CPXM2: variants seen among roughly 807,000 people sequenced by gnomAD.
CPXM2 encodes the protein inactive carboxypeptidase-like protein X2.
Under a neutral mutation model 86.1 loss-of-function variants are expected in CPXM2, and 66 were observed. The observed-to-expected ratio is 0.77, with a 90% confidence interval of 0.63 to 0.94. The LOEUF (loss-of-function observed/expected upper bound fraction) is 0.94. Among genes scored for constraint, CPXM2 ranks in the 40% least tolerant of loss-of-function variants. The probability of loss-of-function intolerance (pLI) is 0.00; values close to 1 mark genes in which losing one functional copy is unlikely to be tolerated. For synonymous variants in CPXM2, 388 were observed against 400.2 expected (o/e 0.97, Z 0.36); for missense variants, 948 against 1,026.3 (o/e 0.92, Z 1.04).
chr10:123,790,816 G>C (rs1252412644), intron 6 of CPXM2, among the ~76,000 whole-genome samples: 2 of 152,182 alleles, frequency 1.3e-5, no homozygotes, highest in Admixed American at 6.5e-5. Flanking sequence ...ATATGAATGA[G>C]TGAATGAGTA....
chr10:123,868,150 A>G (rs28538202), intron 2 of CPXM2, among the ~76,000 whole-genome samples: 101,112 of 152,018 alleles, frequency 0.67, 34,582 homozygotes, highest in African/African-American at 0.74. Flanking sequence ...GGGCTGGCAA[A>G]GACCGAAGGG....
intron 2 of CPXM2, among the ~76,000 whole-genome samples, chr10:123,870,084 A>T (rs1347236578): frequency 6.6e-6 from 1 of 152,192 alleles, no homozygotes; most frequent in Non-Finnish European, 1.5e-5. Context: ...ACTGCGAGCC[A>T]GACTGGCTAG....
At chr10:123,894,002 A>G (rs1945313848), upstream of CPXM2, among the ~76,000 whole-genome samples, 1 of 152,240 alleles carries the variant, frequency 6.6e-6, no homozygotes, top group Non-Finnish European at 1.5e-5. Flanking sequence ...AAGTACTAGC[A>G]TATCTAAGAA....
intron 2 of CPXM2, among the ~76,000 whole-genome samples, chr10:123,928,995 A>AG (rs1185188810): frequency 6.6e-6 from 1 of 152,214 alleles, no homozygotes; most frequent in African/African-American, 2.4e-5. Context: ...TGAGTGGAGC[A>AG]GGGGGGCACT....
intron 3 of CPXM2, among the ~76,000 whole-genome samples, chr10:123,858,572 T>C (rs1848791708): frequency 6.6e-6 from 1 of 152,218 alleles, no homozygotes; most frequent in African/African-American, 2.4e-5. Flanking sequence ...TCCTGGGAAA[T>C]GTGAGCTGAG....
At chr10:123,903,485 CT>C (rs5788641) in intron 2 of CPXM2, among the ~76,000 whole-genome samples, 113,084 of 152,018 alleles carry the variant, frequency 0.74, 43,381 homozygotes, top group African/African-American at 0.93. Context: ...TGCATTTCCT[CT>C]TGAGTGTCCT....
chr10:123,793,462 C>CAA (rs34757620), intron 6 of CPXM2, among the ~76,000 whole-genome samples: 26 of 59,162 alleles, frequency 4.4e-4, no homozygotes, highest in South Asian at 7.3e-4. Flanking sequence ...GACTCCGTCT[C>CAA]AAAAAAAAAA....
At chr10:123,821,653 G>A (rs970187308) in intron 4 of CPXM2, among the ~76,000 whole-genome samples, 1 of 152,184 alleles carries the variant, frequency 6.6e-6, no homozygotes, top group Admixed American at 6.5e-5. Flanking sequence ...CTGTCAAATG[G>A]GGGTAATGTT....
chr10:123,849,180 G>A (rs561358778), intron 3 of CPXM2, among the ~76,000 whole-genome samples: 1 of 151,868 alleles, frequency 6.6e-6, no homozygotes, highest in Admixed American at 6.6e-5. Context: ...TCTATTGATC[G>A]GTTTTGTGTT....
At chr10:123,893,107 C>T (rs1945300525), upstream of CPXM2, among the ~76,000 whole-genome samples, 1 of 152,172 alleles carries the variant, frequency 6.6e-6, no homozygotes, top group Non-Finnish European at 1.5e-5. Context: ...TTGCCATGTT[C>T]CCTAACTTTT....
chr10:123,912,657 C>T (rs1468029733), intron 2 of CPXM2, among the ~76,000 whole-genome samples: 1 of 152,194 alleles, frequency 6.6e-6, no homozygotes, highest in African/African-American at 2.4e-5. Context: ...TGAACTGAAA[C>T]ACGCCCAGCC....
At chr10:123,908,078 G>A (rs1014863809) in intron 2 of CPXM2, among the ~76,000 whole-genome samples, 13 of 152,116 alleles carry the variant, frequency 8.5e-5, no homozygotes, top group African/African-American at 2.9e-4. Context: ...AGAAAGTGGG[G>A]ATGCTGGTAG....
At position 123,865,996 on chromosome 10, in the gene CPXM2, C is replaced by T. The variant is rs922441608; in HGVS notation, c.404-3273G>A. 3.9e-5 allele frequency among the ~76,000 whole-genome samples: 6 copies of T among 152,112 alleles called. No individual in the cohort carries two copies. Among genetic ancestry groups the T allele is most frequent in the Non-Finnish European group, 7.4e-5 (5 of 68,010 alleles). On this transcript the variant is annotated intron_variant, in intron 2 of 13. Transcript: ENST00000241305. The surrounding 1 kb of genome is among the most constrained non-coding windows in gnomAD (Gnocchi z 4.7). ...TTTCTCCCTCTCAGCCACTCCTCCA[C>T]CCCCACACCACACACAGCCCTGGTT... is the stretch of plus-strand genomic sequence containing the variant.
At chr10:123,889,880 A>C (rs1945239342) in intron 1 of CPXM2, among the ~76,000 whole-genome samples, 1 of 151,864 alleles carries the variant, frequency 6.6e-6, no homozygotes, top group South Asian at 2.1e-4. Context: ...TGCCTACACC[A>C]CCCTACCATG....
At chr10:123,750,118 C>A in intron 13 of CPXM2, 1 of 984,552 alleles carries the variant, frequency 1.0e-6, no homozygotes, top group Non-Finnish European at 1.2e-6. Context: ...CATGCCAGTT[C>A]TAGAGTTTAT....
intron 4 of CPXM2, among the ~76,000 whole-genome samples, chr10:123,804,779 G>A (rs1362000908): frequency 6.6e-6 from 1 of 152,162 alleles, no homozygotes; most frequent in African/African-American, 2.4e-5. Context: ...TCCAAGGGAA[G>A]GTTTCTATAT....
chr10:123,896,911 G>T (rs1297352533), upstream of CPXM2, among the ~76,000 whole-genome samples: 1 of 152,158 alleles, frequency 6.6e-6, no homozygotes, highest in Non-Finnish European at 1.5e-5. Flanking sequence ...CAGCCCTCTG[G>T]GCTTGCCTCT....
At chr10:123,936,209 A>T (rs1451206832) in intron 2 of CPXM2, among the ~76,000 whole-genome samples, 1 of 145,392 alleles carries the variant, frequency 6.9e-6, no homozygotes, top group Non-Finnish European at 1.5e-5. Context: ...TATCATCCCC[A>T]TTTTACAGAT....
chr10:123,938,882 G>A (rs1340399162), intron 2 of CPXM2, among the ~76,000 whole-genome samples: 1 of 152,076 alleles, frequency 6.6e-6, no homozygotes, highest in Non-Finnish European at 1.5e-5. Context: ...TTTCACTGGG[G>A]GACATAGGTG....
Sources: allele counts gnomAD v4.1 joint callset (sites outside exome capture counted in the v4.1 genomes callset), GRCh38; gene constraint gnomAD v4.1.1; non-coding constraint Gnocchi (gnomAD v3.1); transcripts MANE v1.5; gene names NCBI Gene and HGNC (gene_info 2026-07-23, HGNC 2026-07-21).